The following PRDM14 variants were observed in gnomAD, a reference collection of about 807,000 sequenced individuals.
PRDM14 encodes the protein PR domain zinc finger protein 14.
PRDM14 carries 16 observed loss-of-function variants against 48.0 expected under a neutral mutation model. That is an observed-to-expected ratio of 0.33 (90% CI 0.23 to 0.51). The LOEUF (loss-of-function observed/expected upper bound fraction) is 0.51. Among genes scored for constraint, PRDM14 ranks in the 20% least tolerant of loss-of-function variants. PRDM14 has a pLI of 0.97. For missense variants in PRDM14, 566 were observed against 719.6 expected, an observed-to-expected ratio of 0.79 and a Z score of 2.44; for synonymous variants, 264 against 276.6, an observed-to-expected ratio of 0.95 and a Z score of 0.45.
intron 4 of PRDM14, among the ~76,000 whole-genome samples, chr8:70,067,520 G>GAAAAAAAAAACAAA (rs1473417021): frequency 1.2e-5 from 1 of 81,340 alleles, no homozygotes; most frequent in Non-Finnish European, 2.7e-5. Flanking sequence ...TCCGTCTCAA[G>GAAAAAAAAAACAAA]AAAAAAAAAA....
At chr8:70,066,130 C>T in intron 5 of PRDM14, 105 bp downstream of exon 5, 2 of 1,268,482 alleles carry the variant, frequency 1.6e-6, no homozygotes, top group South Asian at 2.8e-5. Flanking sequence ...TAGTCCTCTG[C>T]ATTAGCCTTT....
intron 5 of PRDM14, among the ~76,000 whole-genome samples, chr8:70,062,376 T>C (rs779233234): frequency 6.6e-6 from 1 of 152,234 alleles, no homozygotes; most frequent in Non-Finnish European, 1.5e-5. Context: ...GTTTTGGATT[T>C]CAGGTTTTTT....
chr8:70,057,128 G>C (rs1805488258), intron 6 of PRDM14, among the ~76,000 whole-genome samples: 1 of 151,782 alleles, frequency 6.6e-6, no homozygotes, highest in Non-Finnish European at 1.5e-5. Flanking sequence ...ACCACGCCTG[G>C]CTAATTTTTT....
chr8:70,058,552 T>C, intron 6 of PRDM14, 88 bp downstream of exon 6: 1 of 1,138,054 alleles, frequency 8.8e-7, no homozygotes, highest in Non-Finnish European at 1.3e-6. Context: ...GCCCTGCAGC[T>C]AGCACCTACA....
chr8:70,068,426 G>A, intron 3 of PRDM14, 39 bp from the exon 4 acceptor site: 2 of 1,614,126 alleles, frequency 1.2e-6, no homozygotes, highest in Non-Finnish European at 1.7e-6. Flanking sequence ...AATGAGGAGA[G>A]TTGACTCTGC....
At chr8:70,066,081 C>G (rs1805662104) in intron 5 of PRDM14, among the ~76,000 whole-genome samples, 154 bp downstream of exon 5, 1 of 152,152 alleles carries the variant, frequency 6.6e-6, no homozygotes, top group South Asian at 2.1e-4. Flanking sequence ...TGCTTTCCTT[C>G]ACCTGGGTAA....
At chr8:70,063,944 G>C (rs7835836) in intron 5 of PRDM14, among the ~76,000 whole-genome samples, 7,944 of 152,046 alleles carry the variant, frequency 0.052, 281 homozygotes, top group Admixed American at 0.092. Flanking sequence ...AACCATTTTT[G>C]CCTCCATTCC....
intron 7 of PRDM14, among the ~76,000 whole-genome samples, 196 bp downstream of exon 7, chr8:70,055,104 G>A (rs1404945924): frequency 6.6e-6 from 1 of 152,214 alleles, no homozygotes; most frequent in Non-Finnish European, 1.5e-5. Context: ...CTAAATGCCA[G>A]CTTGGCAATA....
At chr8:70,068,658 C>A (rs1458652589) in intron 2 of PRDM14, 126 bp from the exon 3 acceptor site, 7 of 781,174 alleles carry the variant, frequency 9.0e-6, no homozygotes, top group Non-Finnish European at 1.5e-5. Context: ...TTTGTTGTTT[C>A]TATTTTTCCC....
intron 1 of PRDM14, among the ~76,000 whole-genome samples, chr8:70,070,885 G>A (rs1805755301): frequency 6.6e-6 from 1 of 152,132 alleles, no homozygotes; most frequent in Non-Finnish European, 1.5e-5. Flanking sequence ...AACCAAGCAG[G>A]GTCATGACTC....
In PRDM14 at chr8:70,052,039, G is replaced by C; in HGVS notation, c.*38C>G. On this transcript the variant is annotated 3_prime_UTR_variant, in exon 8 of 8. Coordinates refer to ENST00000276594, the MANE Select transcript of PRDM14 (RefSeq NM_024504.4). The stretch of plus-strand genomic sequence containing the variant: ...TCCACCCACCTCTGCCTCCCAAAGT[G>C]CTGGGATTACAGGCGTGAGTCATTG... 7.0e-7 allele frequency: 1 copy of C among 1,435,726 alleles called. No homozygotes were observed. The highest frequency in any genetic ancestry group is 9.6e-7 in the Non-Finnish European group (1 of 1,037,650). The allele number at this position is 1,435,726 out of a possible 1,614,324, so 88.9% of individuals were successfully genotyped here.
At chr8:70,067,863 A>G (rs1805697661) in intron 4 of PRDM14, among the ~76,000 whole-genome samples, 1 of 152,128 alleles carries the variant, frequency 6.6e-6, no homozygotes, top group African/African-American at 2.4e-5. Context: ...GGTGAATAAT[A>G]TTGAATTTTA....
At chr8:70,058,551 C>G (rs1563439365) in intron 6 of PRDM14, 89 bp downstream of exon 6, 3 of 1,122,756 alleles carry the variant, frequency 2.7e-6, no homozygotes. Context: ...AGCCCTGCAG[C>G]TAGCACCTAC....
At chr8:70,058,269 G>A (rs1371315786) in intron 6 of PRDM14, among the ~76,000 whole-genome samples, 2 of 152,126 alleles carry the variant, frequency 1.3e-5, no homozygotes, top group African/African-American at 4.8e-5. Flanking sequence ...GCTCTCTCCT[G>A]TCTGGAACAG....
At chr8:70,056,184 T>G (rs1305431539) in intron 6 of PRDM14, among the ~76,000 whole-genome samples, 1 of 152,216 alleles carries the variant, frequency 6.6e-6, no homozygotes, top group Non-Finnish European at 1.5e-5. Flanking sequence ...AAGAGGTTAA[T>G]ATTTTGTTCA....
intron 6 of PRDM14, among the ~76,000 whole-genome samples, chr8:70,057,116 C>T (rs1805487861): frequency 6.6e-6 from 1 of 151,888 alleles, no homozygotes; most frequent in Non-Finnish European, 1.5e-5. Context: ...CAGGTGCCCA[C>T]CACCACGCCT....
rs778839040 is a variant in PRDM14 at position 70,069,523 on chromosome 8, G to T, written c.338C>A (p.Pro113His). The T allele has an allele frequency of 1.2e-6, 2 of 1,605,046 alleles. No individual in the cohort carries two copies. The highest frequency in any genetic ancestry group is 1.7e-6 in the Non-Finnish European group (2 of 1,175,146). The change falls in exon 2 of 8, where the codon CCC becomes CAC. Residue 113 changes from proline to histidine, a missense_variant. Physicochemically the swap from Pro to His is moderately conservative, Grantham distance 77 (BLOSUM62 -2). Around this residue, in one of 3 missense-constraint regions of PRDM14, gnomAD observed 410 missense variants for 424.6 expected, o/e 0.97. Coordinates refer to ENST00000276594, the MANE Select transcript of PRDM14 (RefSeq NM_024504.4). Reference protein sequence around the residue: ...PIPHVPREVPPFLSSSHEYAG... With the variant: ...PIPHVPREVPHFLSSSHEYAG... Reference sequence around the variant, plus strand: ...GTACTCGTGGCTGCTGCTCAGGAAGGGCGGCACTTCCCTGGGGACGTGGGG... The same window carrying T: ...GTACTCGTGGCTGCTGCTCAGGAAGTGCGGCACTTCCCTGGGGACGTGGGG...
chr8:70,052,118 C>T lies in PRDM14; in HGVS notation c.1675G>A (p.Glu559Lys), dbSNP rs1310647778. The change falls in exon 8 of 8, where the codon GAA (glutamate) becomes AAA (lysine). Residue 559 changes from glutamate (E) to lysine (K), a missense_variant. Glu to Lys is a moderately conservative substitution (Grantham distance 56). This residue lies in a region of PRDM14 where 30 missense variants were observed against 23.4 expected (regional missense o/e 1.28). Coordinates refer to ENST00000276594, the MANE Select transcript of PRDM14 (RefSeq NM_024504.4). ...SICGKIFSDQ[E>K]TFYSHMKFHE... ...AACTTCATGTGGGAGTAGAATGTTT[C>T]TTGATCTGAGAAGATTTTCCCACAG... 2 of 1,612,222 alleles carry T rather than the reference C, an allele frequency of 1.2e-6. No individual in the cohort carries two copies. The highest frequency in any genetic ancestry group is 8.5e-7 in the Non-Finnish European group (1 of 1,179,568).
Position 70,055,392 on chromosome 8 carries a change from A to G in PRDM14, c.1396T>C (p.Cys466Arg). 6.3e-7 allele frequency: 1 copy of G among 1,582,668 alleles called. No individual in the cohort carries two copies. Among genetic ancestry groups the G allele is most frequent in the Non-Finnish European group, 8.7e-7 (1 of 1,151,830 alleles). Reference protein sequence around the residue: ...EKHRPHKCSTCGKCFSQSSSL... With the variant: ...EKHRPHKCSTRGKCFSQSSSL... ...GAAGATTGAGAGAAACATTTCCCAC[A>G]TGTAGAACACTAAGGTGAAAAAGAA... Residue 466 changes from cysteine (C) to arginine (R), a missense_variant, in exon 7 of 8, where the codon TGT becomes CGT. By Grantham distance (180) the Cys-to-Arg change is radical. Around this residue, in one of 3 missense-constraint regions of PRDM14, gnomAD observed 126 missense variants for 271.6 expected, o/e 0.46. Coordinates refer to ENST00000276594, the MANE Select transcript of PRDM14 (RefSeq NM_024504.4).
Sources: allele counts gnomAD v4.1 joint callset (sites outside exome capture counted in the v4.1 genomes callset), GRCh38; gene constraint gnomAD v4.1.1; regional missense constraint gnomAD v4.1.1; transcripts MANE v1.5; gene names NCBI Gene and HGNC (gene_info 2026-07-23, HGNC 2026-07-21).